Variants in PCNX2 observed in about 807,000 individuals in gnomAD.
PCNX2 encodes the protein pecanex-like protein 2.
A neutral mutation model predicts 223.8 loss-of-function variants in PCNX2; 168 were observed. The ratio of observed to expected loss-of-function variants is 0.75; its 90% confidence interval spans 0.66 to 0.85. The LOEUF (loss-of-function observed/expected upper bound fraction) is 0.85. Ranked by LOEUF, PCNX2 falls within the 40% of genes least tolerant of loss-of-function variation. The pLI is 0.00. For synonymous variants in PCNX2, 1,006 were observed against 1,052.6 expected (o/e 0.96, Z 0.86); for missense variants, 2,507 against 2,675.5 (o/e 0.94, Z 1.39).
At chr1:233,123,424 A>T (rs934748366) in intron 21 of PCNX2, among the ~76,000 whole-genome samples, 1 of 152,148 alleles carries the variant, frequency 6.6e-6, no homozygotes, top group African/African-American at 2.4e-5. Context: ...TACTAAAAAA[A>T]TACAAAAATT....
chr1:233,226,770 A>G (rs1217056796), intron 10 of PCNX2, among the ~76,000 whole-genome samples: 2 of 152,108 alleles, frequency 1.3e-5, no homozygotes. Flanking sequence ...GGTGTCCGGG[A>G]AAGAGGCAGA....
At chr1:233,275,968 T>C (rs1660890933) in intron 1 of PCNX2, among the ~76,000 whole-genome samples, 1 of 151,938 alleles carries the variant, frequency 6.6e-6, no homozygotes, top group South Asian at 2.1e-4. Context: ...GAGGCAGAGG[T>C]TGCAGTGAGC....
chr1:233,148,455 T>C (rs1043344811), intron 19 of PCNX2, among the ~76,000 whole-genome samples: 1 of 151,514 alleles, frequency 6.6e-6, no homozygotes, highest in African/African-American at 2.4e-5. Context: ...TTTTTTGAGA[T>C]GGAGTCTCAC....
chr1:233,322,544 T>C, the PCNX2 span, among the ~76,000 whole-genome samples: 1 of 151,980 alleles, frequency 6.6e-6, no homozygotes, highest in Admixed American at 6.6e-5. Context: ...TGAGTTGTGG[T>C]GTGGAGGGTT....
rs201143474 is a variant in PCNX2, at chr1:232,986,222, C to G, written c.6110G>C (p.Ser2037Thr). 101 of 1,559,082 alleles carry G rather than the reference C, an allele frequency of 6.5e-5. No individual in the cohort carries two copies. The highest frequency in any genetic ancestry group is 2.0e-5 in the Non-Finnish European group (23 of 1,151,266). Residue 2037 changes from serine to threonine, a missense_variant, in exon 33 of 34, where the codon AGC (serine) becomes ACC (threonine). Around this residue, in one of 3 missense-constraint regions of PCNX2, gnomAD observed 1,372 missense variants for 1,509.4 expected, o/e 0.91. Coordinates refer to ENST00000258229, the MANE Select transcript of PCNX2 (RefSeq NM_014801.4). ...GGAAATGACGAGCGCGCTGGAAAAG[C>G]TCCTCTTGCCGAAGAGGAAGCTCAG... Reference protein sequence around the residue: ...STLSFLFGKRSFSSALVISGL... With the variant: ...STLSFLFGKRTFSSALVISGL...
intron 21 of PCNX2, among the ~76,000 whole-genome samples, chr1:233,130,504 T>TGTGTGTGA (rs58244503): frequency 6.7e-6 from 1 of 149,434 alleles, no homozygotes; most frequent in Non-Finnish European, 1.5e-5. Context: ...TGTGTGTGTG[T>TGTGTGTGA]GATGGAGTCT....
chr1:233,282,060 G>A (rs772373820), intron 1 of PCNX2, among the ~76,000 whole-genome samples: 3 of 152,148 alleles, frequency 2.0e-5, no homozygotes, highest in Non-Finnish European at 1.5e-5. Flanking sequence ...ACCCACAGCA[G>A]TCTGGCTTCT....
chr1:233,261,175 T>C (rs1660020615), intron 4 of PCNX2, 110 bp downstream of exon 4: 1 of 985,594 alleles, frequency 1.0e-6, no homozygotes, highest in Admixed American at 2.1e-5. Context: ...TATGCAGTCT[T>C]AGGTATAGTT....
intron 10 of PCNX2, among the ~76,000 whole-genome samples, chr1:233,218,539 C>T (rs542082221): frequency 6.2e-4 from 95 of 152,132 alleles, no homozygotes; most frequent in African/African-American, 1.7e-3. Flanking sequence ...CGTGAGCCAC[C>T]GTGCCCAGCC....
chr1:233,174,613 CTG>C (rs1475000115), intron 17 of PCNX2, among the ~76,000 whole-genome samples: 1 of 151,924 alleles, frequency 6.6e-6, no homozygotes, highest in African/African-American at 2.4e-5. Flanking sequence ...TAGGAAAAGA[CTG>C]TTTGAATTTT....
chr1:233,290,127 T>C (rs1292714228), intron 1 of PCNX2, among the ~76,000 whole-genome samples: 2 of 150,676 alleles, frequency 1.3e-5, no homozygotes, highest in Non-Finnish European at 2.9e-5. Flanking sequence ...CCTTCATTTC[T>C]TAGGCCTCAG....
At chr1:233,101,350 A>T (rs1205311580) in intron 21 of PCNX2, among the ~76,000 whole-genome samples, 2 of 152,220 alleles carry the variant, frequency 1.3e-5, no homozygotes, top group Non-Finnish European at 2.9e-5. Flanking sequence ...AGAAAATATG[A>T]TCATTCAATT....
At chr1:233,204,111 A>G (rs1290124562) in intron 13 of PCNX2, among the ~76,000 whole-genome samples, 1 of 152,182 alleles carries the variant, frequency 6.6e-6, no homozygotes, top group Non-Finnish European at 1.5e-5. Context: ...TTTGCAGATT[A>G]TTGAGTTAAG....
chr1:233,293,197 C>A (rs1464489522), intron 1 of PCNX2, among the ~76,000 whole-genome samples: 2 of 152,142 alleles, frequency 1.3e-5, no homozygotes, highest in Non-Finnish European at 2.9e-5. Context: ...GAAAAAACAT[C>A]TGCAGGAACA....
rs1444262953 is a variant in PCNX2, at chr1:233,113,238, A to G, written c.3838-17375T>C. On this transcript the variant is annotated intron_variant, in intron 21 of 33. Transcript: ENST00000258229. ...AGACAGCACAGAGCAACAAACTCAC[A>G]GCTCTACTGGCCCTGTGCTAACTCC... Among the ~76,000 whole-genome samples the G allele has an allele frequency of 2.6e-5, 4 of 152,352 alleles. No individual in the cohort carries two copies. In the South Asian group the frequency reaches 6.2e-4, roughly 24 times the overall value.
In PCNX2 at chr1:233,145,650, G is replaced by A. The variant is rs886396856; in HGVS notation, c.3518-5795C>T. ...CCCTGCTTCCAATACAGTCACTACC[G>A]GAGGCTGCCAGGGGCAGGGCATTTG... On this transcript the variant is annotated intron_variant, in intron 19 of 33. Transcript: ENST00000258229. Among the ~76,000 whole-genome samples the A allele has an allele frequency of 6.6e-5, 10 of 152,102 alleles. 1 individual carries two copies. The highest frequency in any genetic ancestry group is 6.5e-5 in the Admixed American group (1 of 15,268).
rs1336884662 is a variant in PCNX2, at chr1:233,017,081, A to G, written c.4679T>C (p.Leu1560Pro). The change falls in exon 27 of 34, where the codon CTG becomes CCG. Residue 1560 changes from leucine (L) to proline (P), a missense_variant. Leu to Pro is a moderately conservative substitution (Grantham distance 98). This residue lies in a region of PCNX2 where 1,372 missense variants were observed against 1,509.4 expected (regional missense o/e 0.91). Coordinates refer to ENST00000258229, the MANE Select transcript of PCNX2 (RefSeq NM_014801.4). ...GTAATGCCACTTGGCAAAGGGCTGCAGGGACTTCAGAAGTGATTCATTTTT... is the reference window on the plus strand; with the variant it reads ...GTAATGCCACTTGGCAAAGGGCTGCGGGGACTTCAGAAGTGATTCATTTTT... ...WIKNESLLKSLQPFAKWHYIE... is the reference protein window; with the variant it reads ...WIKNESLLKSPQPFAKWHYIE... The G allele has an allele frequency of 6.2e-7, 1 of 1,608,610 alleles. No homozygotes were observed. The highest frequency in any genetic ancestry group is 2.2e-5 in the East Asian group (1 of 44,586).
At chr1:233,176,244 C>T (rs571514269) in intron 17 of PCNX2, among the ~76,000 whole-genome samples, 8 of 152,322 alleles carry the variant, frequency 5.3e-5, no homozygotes, top group African/African-American at 1.7e-4. Flanking sequence ...AAAGAAACGA[C>T]ATCTGCTAAA....
At chr1:233,079,756 C>T (rs1673271324) in intron 23 of PCNX2, among the ~76,000 whole-genome samples, 2 of 152,160 alleles carry the variant, frequency 1.3e-5, no homozygotes, top group South Asian at 4.1e-4. Context: ...TCGGCCCAGC[C>T]TTCCTTTGTG....
Sources: allele counts gnomAD v4.1 joint callset (sites outside exome capture counted in the v4.1 genomes callset), GRCh38; gene constraint gnomAD v4.1.1; regional missense constraint gnomAD v4.1.1; transcripts MANE v1.5; gene names NCBI Gene and HGNC (gene_info 2026-07-23, HGNC 2026-07-21).